FBXO30: variants seen among roughly 807,000 people sequenced by gnomAD.
The protein encoded by FBXO30 is F-box protein 30, also known as F-box only protein 30.
In FBXO30, 21 loss-of-function variants were observed where a neutral mutation model predicts 58.1. The observed-to-expected ratio is 0.36, with a 90% CI of 0.26 to 0.52. FBXO30 has a LOEUF of 0.52. FBXO30 is among the 20% of genes least tolerant of loss of function. The pLI is 0.93. For synonymous variants in FBXO30, 309 were observed against 312.4 expected (o/e 0.99, Z 0.11); for missense variants, 744 against 897.3 (o/e 0.83, Z 2.18).
In FBXO30 at chr6:145,805,378, G is replaced by A. The variant is rs143078736; in HGVS notation, c.1028C>T (p.Ser343Phe). Residue 343 changes from serine (S) to phenylalanine (F), a missense_variant, in exon 2 of 3, where the codon TCC becomes TTC. By Grantham distance (155) the Ser-to-Phe change is radical. Transcript: ENST00000237281. ...AACTGTGCCATTAGGCAAAGCACTG[G>A]ATGGTATTATTTCCCTAAGTTGTGC... ...VAAQLREIIPSSALPNGTVQH... is the reference protein window; with the variant it reads ...VAAQLREIIPFSALPNGTVQH... The A allele has an allele frequency of 6.2e-7, 1 of 1,614,060 alleles. No homozygotes were observed. Among genetic ancestry groups the A allele is most frequent in the East Asian group, 2.2e-5 (1 of 44,874 alleles).
In FBXO30 at chr6:145,794,878, A is replaced by C. The variant is rs1451388207; in HGVS notation, c.*5228T>G. On this transcript the variant is annotated 3_prime_UTR_variant, in exon 3 of 3. Coordinates refer to ENST00000237281, the MANE Select transcript of FBXO30 (RefSeq NM_032145.5). ...CTAAAATTACTGACGAAAATGACTA[A>C]ATTCAGGGTCACCTCACCAGAAAAT... 3 of 151,892 alleles carry C rather than the reference A, an allele frequency of 2.0e-5. No homozygotes were observed. The highest frequency in any genetic ancestry group is 2.9e-5 in the Non-Finnish European group (2 of 67,808). 9.4% of individuals were successfully genotyped at this position (151,892 alleles called of 1,614,324 possible). A position where few individuals can be genotyped will look rare whatever the true frequency, so the allele number is the denominator to read the frequency against.
chr6:145,809,226 C>T (rs944605811), intron 1 of FBXO30, among the ~76,000 whole-genome samples: 2 of 152,118 alleles, frequency 1.3e-5, no homozygotes, highest in African/African-American at 2.4e-5. Context: ...ATTAACCAGA[C>T]ATTTAAAGAA....
rs756229457 is a variant in FBXO30, at chr6:145,805,183, G to A, written c.1223C>T (p.Thr408Ile). 1.9e-6 allele frequency: 3 copies of A among 1,614,036 alleles called. No homozygotes were observed. Among genetic ancestry groups the A allele is most frequent in the Non-Finnish European group, 2.5e-6 (3 of 1,179,960 alleles). The change falls in exon 2 of 3, where the codon ACA (threonine) becomes ATA (isoleucine). Residue 408 changes from threonine (T) to isoleucine (I), a missense_variant. Thr to Ile is a moderately conservative substitution (Grantham distance 89). Transcript: ENST00000237281. ...ATCTTCTGCAACTTCCAAATCTGAT[G>A]TATCTACTGCTTTATCTTCCTTTGG... ...SKPKEDKAVD[T>I]SDLEVAEDPM...
rs1778447164 is a variant in FBXO30 at position 145,814,599 on chromosome 6, T to G, written c.-17+4A>C. On this transcript the variant is annotated splice_donor_region_variant and intron_variant, in intron 1 of 2. Coordinates refer to ENST00000237281, the MANE Select transcript of FBXO30 (RefSeq NM_032145.5). ...GCCTCCCCTGCGGGCCTCCCGTCAC[T>G]CACCGGCCGGCGCGGCCGAACCGCG... The G allele has an allele frequency of 6.6e-6, 1 of 151,726 alleles. No homozygotes were observed. Among genetic ancestry groups the G allele is most frequent in the African/African-American group, 2.4e-5 (1 of 41,350 alleles). The allele number at this position is 151,726 out of a possible 1,614,324, so 9.4% of individuals were successfully genotyped here.
chr6:145,801,134 C>T (rs79180647), intron 2 of FBXO30, among the ~76,000 whole-genome samples: 220 of 152,168 alleles, frequency 1.4e-3, no homozygotes, highest in African/African-American at 5.0e-3. Flanking sequence ...GCTACCTGAA[C>T]ATAAGTAACA....
chr6:145,813,508 A>G (rs1436991195), intron 1 of FBXO30, among the ~76,000 whole-genome samples: 2 of 152,186 alleles, frequency 1.3e-5, no homozygotes, highest in Non-Finnish European at 2.9e-5. Context: ...GAAAAATCCT[A>G]AAGGTTTATT....
chr6:145,805,865 C>G lies in FBXO30; in HGVS notation c.541G>C (p.Ala181Pro), dbSNP rs1778151669. 3.1e-6 allele frequency: 5 copies of G among 1,613,872 alleles called. No homozygotes were observed. Among genetic ancestry groups the G allele is most frequent in the Non-Finnish European group, 4.2e-6 (5 of 1,180,002 alleles). The change falls in exon 2 of 3, where the codon GCA becomes CCA. Residue 181 changes from alanine (A) to proline (P), a missense_variant. Ala to Pro is a conservative substitution (Grantham distance 27). This residue lies in a region of FBXO30 where 275 missense variants were observed against 262.0 expected (regional missense o/e 1.05). Coordinates refer to ENST00000237281, the MANE Select transcript of FBXO30 (RefSeq NM_032145.5). ...LVSVDEESYG[A>P]LYQATVETTR... ...GTTTCTACAGTAGCTTGATAAAGTG[C>G]ACCATAAGATTCTTCATCAACAGAC...
At chr6:145,814,135 C>A (rs1778425283) in intron 1 of FBXO30, among the ~76,000 whole-genome samples, 1 of 152,174 alleles carries the variant, frequency 6.6e-6, no homozygotes, top group Non-Finnish European at 1.5e-5. Flanking sequence ...TTTGCTCATC[C>A]CGTGCAGACA....
chr6:145,804,495 T>C lies in FBXO30; in HGVS notation c.1911A>G (p.Ser637=), dbSNP rs747974553. 19 of 1,613,538 alleles carry C rather than the reference T, an allele frequency of 1.2e-5. No individual in the cohort carries two copies. The highest frequency in any genetic ancestry group is 4.0e-5 in the African/African-American group (3 of 74,842). The change falls in exon 2 of 3, where the codon TCA becomes TCG. Residue 637 remains serine (S), a synonymous_variant. Coordinates refer to ENST00000237281, the MANE Select transcript of FBXO30 (RefSeq NM_032145.5). ...FLDGFSLCQL[S]CVSKLMRDVC... ...CATCCCTCATTAACTTGGATACACA[T>C]GAGAGCTGACATAAGCTGAAGCCAT...
chr6:145,801,796 C>A (rs1191018527), intron 2 of FBXO30, among the ~76,000 whole-genome samples: 8 of 152,034 alleles, frequency 5.3e-5, no homozygotes, highest in African/African-American at 4.8e-5. Flanking sequence ...TCCCCATGCT[C>A]ACAAAGCTAC....
Position 145,804,936 on chromosome 6 carries a change from A to C in FBXO30, c.1470T>G (p.Leu490=). 1.2e-6 allele frequency: 2 copies of C among 1,613,920 alleles called. No homozygotes were observed. Among genetic ancestry groups the C allele is most frequent in the Middle Eastern group, 1.7e-4 (1 of 6,056 alleles). ...ASACDHANPQ[L]SNPSPFQTLG... ...GTGTCTGAAACGGACTTGGATTTGAAAGCTGTGGATTGGCATGATCACAAG... is the reference window on the plus strand; with the variant it reads ...GTGTCTGAAACGGACTTGGATTTGACAGCTGTGGATTGGCATGATCACAAG... The change falls in exon 2 of 3, where the codon CTT becomes CTG. Residue 490 remains leucine, a synonymous_variant. Transcript: ENST00000237281.
intron 2 of FBXO30, among the ~76,000 whole-genome samples, chr6:145,803,379 T>C (rs1778065521): frequency 6.6e-6 from 1 of 152,066 alleles, no homozygotes; most frequent in Non-Finnish European, 1.5e-5. Flanking sequence ...CATTTATCGG[T>C]CAAGGCCTCA....
rs1344526385 is a variant in FBXO30 at position 145,810,849 on chromosome 6, C to T, written c.-17+3754G>A. ...AATAACCTGCTGCCTCCAGGCTGTTCCTAATGTCTGCCTCTACCTCTAACA... is the reference window on the plus strand; with the variant it reads ...AATAACCTGCTGCCTCCAGGCTGTTTCTAATGTCTGCCTCTACCTCTAACA... On this transcript the variant is annotated intron_variant, in intron 1 of 2. Coordinates refer to ENST00000237281, the MANE Select transcript of FBXO30 (RefSeq NM_032145.5). Among the ~76,000 whole-genome samples, 5 of 152,124 alleles carry T rather than the reference C, an allele frequency of 3.3e-5. No homozygotes were observed. In the East Asian group the frequency reaches 9.6e-4, roughly 29 times the overall value.
chr6:145,814,222 G>C (rs987802961), intron 1 of FBXO30, among the ~76,000 whole-genome samples: 2 of 152,284 alleles, frequency 1.3e-5, no homozygotes, highest in African/African-American at 4.8e-5. Context: ...CAGACGGAAC[G>C]AGAAGCTTAG....
At position 145,794,607 on chromosome 6, in the gene FBXO30, A is replaced by G. The variant is rs2128663109; in HGVS notation, c.*5499T>C. On this transcript the variant is annotated 3_prime_UTR_variant, in exon 3 of 3. Transcript: ENST00000237281. Reference sequence around the variant, plus strand: ...ATACAGATTTTTTAAAAAGTCATCAATTGATATAAAAGACATCCAGTTGAC... The same window carrying G: ...ATACAGATTTTTTAAAAAGTCATCAGTTGATATAAAAGACATCCAGTTGAC... 1 of 151,946 alleles carries G rather than the reference A, an allele frequency of 6.6e-6. No homozygotes were observed. The highest frequency in any genetic ancestry group is 3.4e-3 in the Middle Eastern group (1 of 294). The allele number at this position is 151,946 out of a possible 1,614,324, so 9.4% of individuals were successfully genotyped here.
rs1777852966 is a variant in FBXO30 at position 145,795,529 on chromosome 6, T to C, written c.*4577A>G. 1 of 152,056 alleles carries C rather than the reference T, an allele frequency of 6.6e-6. No individual in the cohort carries two copies. Among genetic ancestry groups the C allele is most frequent in the Non-Finnish European group, 1.5e-5 (1 of 67,832 alleles). 9.4% of individuals were successfully genotyped at this position (152,056 alleles called of 1,614,324 possible). A position where few individuals can be genotyped will look rare whatever the true frequency, so the allele number is the denominator to read the frequency against. ...TGTTTTCTTCATAGTAAAAGACAGA[T>C]GCTTCCGTCCAGCTTATCAAAAAGA... On this transcript the variant is annotated 3_prime_UTR_variant, in exon 3 of 3. Transcript: ENST00000237281.
rs1404255651 is a variant in FBXO30, at chr6:145,795,403, C to G, written c.*4703G>C. 6.6e-6 allele frequency: 1 copy of G among 151,752 alleles called. No individual in the cohort carries two copies. The highest frequency in any genetic ancestry group is 1.5e-5 in the Non-Finnish European group (1 of 67,782). 9.4% of individuals were successfully genotyped at this position (151,752 alleles called of 1,614,324 possible). On this transcript the variant is annotated 3_prime_UTR_variant, in exon 3 of 3. Transcript: ENST00000237281. ...AAGAACTAGCTACATATTGAAGAAC[C>G]ATTCCCTAGTATTTGCATGCAAATG... is the stretch of plus-strand genomic sequence containing the variant.
chr6:145,805,881 A>G lies in FBXO30; in HGVS notation c.525T>C (p.Asp175=). The change falls in exon 2 of 3, where the codon GAT becomes GAC. Residue 175 remains aspartate, a synonymous_variant. Coordinates refer to ENST00000237281, the MANE Select transcript of FBXO30 (RefSeq NM_032145.5). ...IPHANGLVSV[D]EESYGALYQA... ...GATAAAGTGCACCATAAGATTCTTC[A>G]TCAACAGACACTAAACCATTAGCAT... 1 of 1,614,062 alleles carries G rather than the reference A, an allele frequency of 6.2e-7. No individual in the cohort carries two copies. Among genetic ancestry groups the G allele is most frequent in the Non-Finnish European group, 8.5e-7 (1 of 1,179,984 alleles).
At position 145,804,440 on chromosome 6, in the gene FBXO30, T is replaced by A; in HGVS notation, c.1966A>T (p.Met656Leu). 1 of 1,613,732 alleles carries A rather than the reference T, an allele frequency of 6.2e-7. No homozygotes were observed. The highest frequency in any genetic ancestry group is 8.5e-7 in the Non-Finnish European group (1 of 1,179,764). ...VCGSLLQSRG[M>L]VILQWGKRKY... Reference sequence around the variant, plus strand: ...CTTTTCCCCCACTGCAGTATGACCATGCCACGAGACTGAAGCAGGCTGCCA... The same window carrying A: ...CTTTTCCCCCACTGCAGTATGACCAAGCCACGAGACTGAAGCAGGCTGCCA... Residue 656 changes from methionine to leucine, a missense_variant, in exon 2 of 3, where the codon ATG (methionine) becomes TTG (leucine). By Grantham distance (15) the Met-to-Leu change is conservative. This residue lies in a region of FBXO30 where 334 missense variants were observed against 433.7 expected (regional missense o/e 0.77). Coordinates refer to ENST00000237281, the MANE Select transcript of FBXO30 (RefSeq NM_032145.5).
Sources: gnomAD v4.1 joint callset for allele counts (sites outside exome capture counted in the v4.1 genomes callset) on GRCh38, gnomAD v4.1.1 for gene constraint, gnomAD v4.1.1 regional missense constraint, MANE v1.5 for transcripts, NCBI Gene and HGNC (gene_info 2026-07-23, HGNC 2026-07-21) for gene names.